Variants in SLC16A7 observed in about 807,000 individuals in gnomAD.
SLC16A7 encodes monocarboxylate transporter 2.
Under a neutral mutation model 34.9 loss-of-function variants are expected in SLC16A7, and 33 were observed. That is an observed-to-expected ratio of 0.94 (90% CI 0.72 to 1.26). The LOEUF (loss-of-function observed/expected upper bound fraction) is 1.26. SLC16A7 is among the 50% of genes most tolerant of loss of function. The pLI is 0.00. For missense variants in SLC16A7, 573 were observed against 578.1 expected, an observed-to-expected ratio of 0.99 and a Z score of 0.09; for synonymous variants, 201 against 206.6, an observed-to-expected ratio of 0.97 and a Z score of 0.23.
intron 2 of SLC16A7, among the ~76,000 whole-genome samples, chr12:59,689,644 A>G (rs997308964): frequency 6.6e-5 from 10 of 151,968 alleles, no homozygotes; most frequent in African/African-American, 2.4e-4. Flanking sequence ...AAAGTCAGAA[A>G]GGTATTCTTT....
intron 3 of SLC16A7, among the ~76,000 whole-genome samples, chr12:59,725,895 G>A (rs1359073322): frequency 6.6e-6 from 1 of 152,070 alleles, no homozygotes; most frequent in Non-Finnish European, 1.5e-5. Context: ...TTTGAGTGTT[G>A]ACAGTTTACT....
intron 3 of SLC16A7, among the ~76,000 whole-genome samples, chr12:59,738,893 T>A (rs1342379143): frequency 6.6e-6 from 1 of 151,758 alleles, no homozygotes; most frequent in Middle Eastern, 3.2e-3. Flanking sequence ...TTGCTATTTT[T>A]AAATTTATAT....
At chr12:59,708,178 G>C (rs1392041685) in intron 3 of SLC16A7, among the ~76,000 whole-genome samples, 1 of 152,016 alleles carries the variant, frequency 6.6e-6, no homozygotes, top group African/African-American at 2.4e-5. Flanking sequence ...GATATAGTCA[G>C]TTAATCTAAG....
chr12:59,762,134 A>G (rs1257138453), intron 3 of SLC16A7, among the ~76,000 whole-genome samples: 2 of 151,932 alleles, frequency 1.3e-5, no homozygotes, highest in Non-Finnish European at 2.9e-5. Context: ...TTGTCATTCT[A>G]CTGTGTCATG....
chr12:59,674,884 T>C (rs1187438922), intron 2 of SLC16A7, among the ~76,000 whole-genome samples: 3 of 152,172 alleles, frequency 2.0e-5, no homozygotes, highest in African/African-American at 7.2e-5. Context: ...GTGGATACAA[T>C]GGGACAGAAG....
intron 1 of SLC16A7, among the ~76,000 whole-genome samples, chr12:59,638,790 G>T (rs940413671): frequency 1.3e-5 from 2 of 152,048 alleles, no homozygotes; most frequent in African/African-American, 2.4e-5. Context: ...ATCCTGATGG[G>T]TTATTACATC....
chr12:59,646,131 A>G (rs989617847), intron 1 of SLC16A7, among the ~76,000 whole-genome samples: 2 of 152,206 alleles, frequency 1.3e-5, no homozygotes, highest in African/African-American at 4.8e-5. Flanking sequence ...CAAGCTTGCT[A>G]CAGAAATTTG....
chr12:59,756,272 A>G (rs1395035830), intron 3 of SLC16A7, among the ~76,000 whole-genome samples: 2 of 152,250 alleles, frequency 1.3e-5, no homozygotes, highest in Non-Finnish European at 2.9e-5. Context: ...TAATTAAACT[A>G]AAGAGCTTCT....
intron 1 of SLC16A7, among the ~76,000 whole-genome samples, chr12:59,616,788 T>C (rs1218248597): frequency 6.6e-6 from 1 of 152,168 alleles, no homozygotes; most frequent in Non-Finnish European, 1.5e-5. Flanking sequence ...AGAACTATGA[T>C]ACATGTAATT....
intron 1 of SLC16A7, among the ~76,000 whole-genome samples, chr12:59,626,020 G>A (rs944563879): frequency 1.3e-5 from 2 of 151,708 alleles, no homozygotes; most frequent in African/African-American, 4.8e-5. Context: ...TTTCCAATAT[G>A]TTCTATAGTT....
At chr12:59,618,283 A>C (rs1339915717) in intron 1 of SLC16A7, among the ~76,000 whole-genome samples, 1 of 151,984 alleles carries the variant, frequency 6.6e-6, no homozygotes, top group East Asian at 1.9e-4. Context: ...CCACGTACTT[A>C]AACATTTGTT....
At chr12:59,723,372 T>C (rs931628444) in intron 3 of SLC16A7, among the ~76,000 whole-genome samples, 1 of 151,930 alleles carries the variant, frequency 6.6e-6, no homozygotes, top group Non-Finnish European at 1.5e-5. Flanking sequence ...CCAGGAATTA[T>C]GGTAGATATT....
intron 3 of SLC16A7, among the ~76,000 whole-genome samples, chr12:59,766,125 G>A (rs1393543510): frequency 6.6e-6 from 1 of 152,128 alleles, no homozygotes; most frequent in Non-Finnish European, 1.5e-5. Context: ...TCATGATTTA[G>A]CTCTCTGTTT....
chr12:59,650,420 G>A (rs1868322920), intron 1 of SLC16A7, among the ~76,000 whole-genome samples: 1 of 151,986 alleles, frequency 6.6e-6, no homozygotes, highest in Non-Finnish European at 1.5e-5. Context: ...CTGGTATTGT[G>A]GAAACAGTGA....
chr12:59,697,622 G>A (rs1173682878), intron 2 of SLC16A7, among the ~76,000 whole-genome samples: 2 of 151,290 alleles, frequency 1.3e-5, no homozygotes, highest in Non-Finnish European at 3.0e-5. Flanking sequence ...CATTTAGGAT[G>A]TTATCTAAAG....
chr12:59,684,168 G>A (rs1262212438), intron 2 of SLC16A7, among the ~76,000 whole-genome samples: 1 of 152,128 alleles, frequency 6.6e-6, no homozygotes, highest in Non-Finnish European at 1.5e-5. Flanking sequence ...TCTAAAAGAG[G>A]ACATTTTTCC....
chr12:59,779,609 A>G lies in SLC16A7; in HGVS notation c.1367A>G (p.His456Arg). ...TCTGAACCCTTGAGCAAATCTAAAC[A>G]TTCGGAAGATGTTAACGTCAAAGTT... ...RESEPLSKSK[H>R]SEDVNVKVSN... Residue 456 changes from histidine (H) to arginine (R), a missense_variant, in exon 6 of 6, where the codon CAT (histidine) becomes CGT (arginine). Transcript: ENST00000547379. 6.2e-7 allele frequency: 1 copy of G among 1,611,860 alleles called. No individual in the cohort carries two copies.
At chr12:59,600,490 G>T (rs964667921) in intron 1 of SLC16A7, among the ~76,000 whole-genome samples, 13 of 151,570 alleles carry the variant, frequency 8.6e-5, no homozygotes, top group African/African-American at 3.2e-4. Flanking sequence ...TTGTGAGAAA[G>T]CTTCATTTTC....
chr12:59,659,876 T>C (rs1045663933), intron 2 of SLC16A7, among the ~76,000 whole-genome samples: 1 of 152,076 alleles, frequency 6.6e-6, no homozygotes, highest in Admixed American at 6.6e-5. Flanking sequence ...CAATCAGATG[T>C]GGAATGGATC....
Sources: allele counts gnomAD v4.1 joint callset (sites outside exome capture counted in the v4.1 genomes callset), GRCh38; gene constraint gnomAD v4.1.1; transcripts MANE v1.5; gene names NCBI Gene and HGNC (gene_info 2026-07-23, HGNC 2026-07-21).